The following USP36 variants were observed in gnomAD, a reference collection of about 807,000 sequenced individuals.
USP36 encodes ubiquitin carboxyl-terminal hydrolase 36.
A neutral mutation model predicts 111.5 loss-of-function variants in USP36; 59 were observed. The observed-to-expected ratio is 0.53, with a 90% CI of 0.43 to 0.66. The LOEUF is 0.66. Among genes scored for constraint, USP36 ranks in the 30% least tolerant of loss-of-function variants. USP36 has a pLI of 0.00. For missense variants in USP36, 1,488 were observed against 1,468.0 expected, an observed-to-expected ratio of 1.01 and a Z score of -0.22; for synonymous variants, 628 against 581.0, an observed-to-expected ratio of 1.08 and a Z score of -1.16.
chr17:78,831,381 G>A (rs944201227), intron 4 of USP36, among the ~76,000 whole-genome samples: 3 of 151,874 alleles, frequency 2.0e-5, no homozygotes, highest in African/African-American at 4.8e-5. Context: ...GGGAGGGTGA[G>A]GCGGGTGGAA....
downstream of USP36, among the ~76,000 whole-genome samples, chr17:78,793,021 A>AC (rs565252095): frequency 1.9e-4 from 18 of 96,080 alleles, no homozygotes; most frequent in Admixed American, 6.3e-4. Context: ...CGCCCCCCTC[A>AC]CCCCCCCAGG....
At chr17:78,821,362 C>T (rs1465492073) in intron 7 of USP36, 2 of 227,486 alleles carry the variant, frequency 8.8e-6, no homozygotes, top group East Asian at 1.1e-4. Context: ...CCTCCCTGCA[C>T]GCGTGCACGG....
At position 78,812,936 on chromosome 17, in the gene USP36, C is replaced by T. The variant is rs768607857; in HGVS notation, c.1331G>A (p.Gly444Asp). ...ISRTGSSSLPGRPSVIPDHSK... is the reference protein window; with the variant it reads ...ISRTGSSSLPDRPSVIPDHSK... ...GTGATCTGGAATCACACTCGGGCGGCCGGGAAGGGAGGAGGAGCCTGTCCT... is the reference window on the plus strand; with the variant it reads ...GTGATCTGGAATCACACTCGGGCGGTCGGGAAGGGAGGAGGAGCCTGTCCT... The change falls in exon 13 of 21, where the codon GGC becomes GAC. Residue 444 changes from glycine (G) to aspartate (D), a missense_variant. By Grantham distance (94) the Gly-to-Asp change is moderately conservative (BLOSUM62 -1). Coordinates refer to ENST00000449938, the MANE Select transcript of USP36 (RefSeq NM_001385174.1). The T allele has an allele frequency of 1.1e-5, 18 of 1,613,924 alleles. No individual in the cohort carries two copies. The highest frequency in any genetic ancestry group is 1.7e-4 in the Middle Eastern group (1 of 6,036).
At chr17:78,789,955 T>A (rs1176113599) in intron 3 of USP36, among the ~76,000 whole-genome samples, 1 of 152,246 alleles carries the variant, frequency 6.6e-6, no homozygotes, top group Non-Finnish European at 1.5e-5. Flanking sequence ...AGGGTCCGAA[T>A]GCAGTCACAA....
At position 78,806,221 on chromosome 17, in the gene USP36, G is replaced by T. The variant is rs375835435; in HGVS notation, c.2151C>A (p.Asp717Glu). 1 of 1,613,738 alleles carries T rather than the reference G, an allele frequency of 6.2e-7. No individual in the cohort carries two copies. The highest frequency in any genetic ancestry group is 8.5e-7 in the Non-Finnish European group (1 of 1,180,018). The change falls in exon 15 of 21, where the codon GAC (aspartate) becomes GAA (glutamate). Residue 717 changes from aspartate (D) to glutamate (E), a missense_variant. Transcript: ENST00000449938. ...GAGAGGTTTTCATGGGGTGGGTGAGGTCGGAGGATGGTGAGGGGGGAGGTG... is the reference window on the plus strand; with the variant it reads ...GAGAGGTTTTCATGGGGTGGGTGAGTTCGGAGGATGGTGAGGGGGGAGGTG... The part of the protein sequence containing the change: ...LRPPPPSPSS[D>E]LTHPMKTSHP...
chr17:78,820,776 T>C (rs1188104310), intron 8 of USP36, among the ~76,000 whole-genome samples: 1 of 152,170 alleles, frequency 6.6e-6, no homozygotes, highest in Non-Finnish European at 1.5e-5. Flanking sequence ...CAAAACCCAA[T>C]TTTACCATTT....
chr17:78,788,160 TTTTA>T (rs1036417271), intron 3 of USP36, among the ~76,000 whole-genome samples: 12 of 152,228 alleles, frequency 7.9e-5, no homozygotes, highest in African/African-American at 1.9e-4. Context: ...GCATAGGTTA[TTTTA>T]TTTATTTATT....
intron 3 of USP36, among the ~76,000 whole-genome samples, chr17:78,790,367 T>G (rs997932185): frequency 1.1e-4 from 16 of 152,190 alleles, no homozygotes; most frequent in Non-Finnish European, 2.2e-4. Context: ...CTCAGCTCAC[T>G]GCAACCTCCA....
At position 78,803,603 on chromosome 17, in the gene USP36, C is replaced by T. The variant is rs1163305989; in HGVS notation, c.2592G>A (p.Gln864=). ...DTAASALQEG[Q]TQRQPGSPMY... is the part of the protein sequence containing the mutation. ...TGGGGCTCCCAGGCTGTCTCTGTGT[C>T]TGCCCCTCCTGCAGGGCGCTGGCAG... Residue 864 remains glutamine (Q), a synonymous_variant, in exon 16 of 21, where the codon CAG becomes CAA. Transcript: ENST00000449938. The surrounding 1 kb of genome is among the most constrained non-coding windows in gnomAD (Gnocchi z 4.6). 3.7e-6 allele frequency: 6 copies of T among 1,612,452 alleles called. No individual in the cohort carries two copies. The highest frequency in any genetic ancestry group is 2.7e-5 in the African/African-American group (2 of 74,944).
chr17:78,799,065 A>G lies in USP36; in HGVS notation c.3125-42T>C, dbSNP rs767702796. ...GGGGTCAGCACGAGTGCAGGTTCCC[A>G]GGTCCCCTGTGGCTTCACTTCAAGA... On this transcript the variant is annotated intron_variant, in intron 18 of 20. Transcript: ENST00000449938. The G allele has an allele frequency of 2.5e-6, 4 of 1,594,452 alleles. No individual in the cohort carries two copies. The Admixed American group carries it at 5.0e-5, about 20-fold the overall frequency.
chr17:78,830,330 A>G lies in USP36; in HGVS notation c.476-1323T>C, dbSNP rs74001287. Among the ~76,000 whole-genome samples, 227 of 152,376 alleles carry G rather than the reference A, an allele frequency of 1.5e-3. 2 individuals carry two copies. Among genetic ancestry groups the G allele is most frequent in the African/African-American group, 5.3e-3 (220 of 41,594 alleles). On this transcript the variant is annotated intron_variant, in intron 4 of 20. Coordinates refer to ENST00000449938, the MANE Select transcript of USP36 (RefSeq NM_001385174.1). ...TTTACAAAAATCCATGTTGCTAGACATAGCTCCAGTTCCTTCAAATCTTCC... is the reference window on the plus strand; with the variant it reads ...TTTACAAAAATCCATGTTGCTAGACGTAGCTCCAGTTCCTTCAAATCTTCC...
At chr17:78,818,355 A>G (rs1032816693) in intron 10 of USP36, among the ~76,000 whole-genome samples, 2 of 152,192 alleles carry the variant, frequency 1.3e-5, no homozygotes, top group Non-Finnish European at 2.9e-5. Context: ...ACAAGCATTC[A>G]GGGATTTTGC....
At chr17:78,827,920 A>C (rs2067723189) in intron 5 of USP36, among the ~76,000 whole-genome samples, 1 of 152,084 alleles carries the variant, frequency 6.6e-6, no homozygotes, top group South Asian at 2.1e-4. Context: ...CAGAAAGAAA[A>C]AGAATAAAGA....
At chr17:78,804,829 C>T (rs1359123848) in intron 15 of USP36, among the ~76,000 whole-genome samples, 2 of 151,612 alleles carry the variant, frequency 1.3e-5, no homozygotes, top group African/African-American at 4.8e-5. Flanking sequence ...GAAACCTTCA[C>T]GAAACAATAA....
rs1166304089 is a variant in USP36, at chr17:78,807,205, G to A, written c.1839C>T (p.Ser613=). The change falls in exon 14 of 21, where the codon TCC becomes TCT. Residue 613 remains serine, a synonymous_variant. Coordinates refer to ENST00000449938, the MANE Select transcript of USP36 (RefSeq NM_001385174.1). ...AGLDRRGSSS[S]SPEHSASSDS... The stretch of plus-strand genomic sequence containing the variant: ...CGCTGCTGGCCGAGTGCTCTGGGCT[G>A]GAGCTGCTGGAGCCCCTCCTGTCGA... 2 of 1,614,092 alleles carry A rather than the reference G, an allele frequency of 1.2e-6. No homozygotes were observed. Among genetic ancestry groups the A allele is most frequent in the Non-Finnish European group, 1.7e-6 (2 of 1,179,994 alleles).
downstream of USP36, among the ~76,000 whole-genome samples, chr17:78,795,118 G>A (rs564037161): frequency 5.9e-5 from 9 of 151,440 alleles, 1 homozygote; most frequent in African/African-American, 2.2e-4. The surrounding 1 kb of genome is among the most constrained non-coding windows in gnomAD (Gnocchi z 4.5). Flanking sequence ...CCCCTCAACC[G>A]CTGCCCAGGC....
intron 3 of USP36, among the ~76,000 whole-genome samples, chr17:78,788,274 C>T (rs1175171978): frequency 6.6e-6 from 1 of 152,014 alleles, no homozygotes; most frequent in African/African-American, 2.4e-5. Flanking sequence ...AAGCAATTCT[C>T]CTGCCTCAGC....
At chr17:78,814,641 C>A in intron 10 of USP36, 89 bp from the exon 11 acceptor site, 2 of 1,482,620 alleles carry the variant, frequency 1.3e-6, no homozygotes, top group South Asian at 1.3e-5. Flanking sequence ...ACACAAAATG[C>A]CCAGCTTGTC....
Position 78,836,302 on chromosome 17 carries a change from T to A in USP36, c.62A>T (p.Asp21Val). The A allele has an allele frequency of 6.2e-7, 1 of 1,614,172 alleles. No individual in the cohort carries two copies. Among genetic ancestry groups the A allele is most frequent in the Non-Finnish European group, 8.5e-7 (1 of 1,180,038 alleles). ...GGCAAGAAGCTTCCCCAGTTCTCCA[T>A]CATCAGCCGAGTCCTTGCGGCCGGG... ...LKPGRKDSAD[D>V]GELGKLLASS... The change falls in exon 3 of 21, where the codon GAT becomes GTT. Residue 21 changes from aspartate to valine, a missense_variant. Asp to Val is a radical substitution (Grantham distance 152). Around this residue, in one of 3 missense-constraint regions of USP36, gnomAD observed 219 missense variants for 209.5 expected, o/e 1.05. Coordinates refer to ENST00000449938, the MANE Select transcript of USP36 (RefSeq NM_001385174.1).
Sources: allele counts gnomAD v4.1 joint callset (sites outside exome capture counted in the v4.1 genomes callset), GRCh38; gene constraint gnomAD v4.1.1; regional missense constraint gnomAD v4.1.1; non-coding constraint Gnocchi (gnomAD v3.1); transcripts MANE v1.5; gene names NCBI Gene and HGNC (gene_info 2026-07-23, HGNC 2026-07-21).